PTPA: variants seen among roughly 807,000 people sequenced by gnomAD.
PTPA encodes the protein protein phosphatase 2 phosphatase activator.
PTPA carries 13 observed loss-of-function variants against 43.6 expected under a neutral mutation model. The ratio of observed to expected loss-of-function variants is 0.30; its 90% CI spans 0.19 to 0.47. PTPA has a LOEUF of 0.47. Among genes scored for constraint, PTPA ranks in the 20% least tolerant of loss-of-function variants. PTPA has a pLI of 0.99. For missense variants in PTPA, 329 were observed against 411.9 expected, an observed-to-expected ratio of 0.80 and a Z score of 1.74; for synonymous variants, 172 against 158.2, an observed-to-expected ratio of 1.09 and a Z score of -0.66.
In PTPA at chr9:129,147,602, T is replaced by TGGGCTTGAGGGGGCTCA. The variant is rs1851389259; in HGVS notation, c.*140_*156dup. The stretch of plus-strand genomic sequence containing the variant: ...TGTTTACTGGGGTGGGGTGGCGAGA[T>TGGGCTTGAGGGGGCTCA]GGGCTTGAGGGGGCTCAGAGCATAA... On this transcript the variant is annotated 3_prime_UTR_variant, in exon 10 of 10. Coordinates refer to ENST00000393370, the MANE Select transcript of PTPA (RefSeq NM_178000.3). The TGGGCTTGAGGGGGCTCA allele has an allele frequency of 1.0e-6, 1 of 953,502 alleles. No homozygotes were observed. Among genetic ancestry groups the TGGGCTTGAGGGGGCTCA allele is most frequent in the South Asian group, 1.5e-5 (1 of 65,054 alleles). The allele number at this position is 953,502 out of a possible 1,614,324, so 59.1% of individuals were successfully genotyped here. A position where few individuals can be genotyped will look rare whatever the true frequency, so the allele number is the denominator to read the frequency against.
At chr9:129,127,738 C>G (rs189745869) in intron 3 of PTPA, among the ~76,000 whole-genome samples, 6 of 152,286 alleles carry the variant, frequency 3.9e-5, no homozygotes, top group Middle Eastern at 3.4e-3. Flanking sequence ...GGGATGGGCT[C>G]TCAAACTCTG....
intron 9 of PTPA, among the ~76,000 whole-genome samples, chr9:129,144,539 C>G (rs1036172092): frequency 1.3e-5 from 2 of 150,404 alleles, no homozygotes; most frequent in Non-Finnish European, 3.0e-5. Flanking sequence ...GAGATCGAGA[C>G]CATCCTGGCT....
chr9:129,130,152 A>G (rs1286860105), intron 4 of PTPA, among the ~76,000 whole-genome samples: 1 of 152,226 alleles, frequency 6.6e-6, no homozygotes, highest in African/African-American at 2.4e-5. Context: ...AAACAAAAAT[A>G]AAAATGCAGG....
At chr9:129,145,829 C>T (rs1314288123) in intron 9 of PTPA, among the ~76,000 whole-genome samples, 6 of 152,170 alleles carry the variant, frequency 3.9e-5, no homozygotes, top group Non-Finnish European at 7.4e-5. Context: ...GCTTGAATCA[C>T]CTCTGGCTGG....
At chr9:129,143,251 T>C (rs1851029523) in intron 9 of PTPA, 1 of 698,204 alleles carries the variant, frequency 1.4e-6, no homozygotes, top group East Asian at 2.7e-5. Context: ...TCCCTTCTGC[T>C]AGCTCCTCCC....
At chr9:129,139,435 C>T (rs1434200464) in intron 8 of PTPA, 1 of 152,234 alleles carries the variant, frequency 6.6e-6, no homozygotes, top group Admixed American at 6.5e-5. Flanking sequence ...TCCGCACCTT[C>T]TCCACAGGTC....
intron 5 of PTPA, among the ~76,000 whole-genome samples, chr9:129,132,224 G>A (rs1225490852): frequency 3.3e-5 from 5 of 152,170 alleles, no homozygotes; most frequent in African/African-American, 1.2e-4. Context: ...TAGCACTTTT[G>A]GAGGCTGAGG....
intron 1 of PTPA, among the ~76,000 whole-genome samples, chr9:129,117,848 C>T (rs184548960): frequency 4.6e-4 from 70 of 152,006 alleles, no homozygotes; most frequent in Admixed American, 9.2e-4. Flanking sequence ...AGGTGTGTGC[C>T]GTCATGTCAG....
chr9:129,146,356 C>G (rs1483713780), intron 9 of PTPA, among the ~76,000 whole-genome samples: 1 of 152,208 alleles, frequency 6.6e-6, no homozygotes, highest in Non-Finnish European at 1.5e-5. Context: ...CCACTCGTCA[C>G]CCTGGTGCTT....
rs561522088 is a variant in PTPA, at chr9:129,135,392, T to TA, written c.560+509dup. The stretch of plus-strand genomic sequence containing the variant: ...TGGGTGACAGAGTGAGACTCTGTCT[T>TA]AAAAAAAAAAAGAATTGTCACATAA... On this transcript the variant is annotated intron_variant, in intron 6 of 9. Coordinates refer to ENST00000393370, the MANE Select transcript of PTPA (RefSeq NM_178000.3). Among the ~76,000 whole-genome samples, 52 of 146,600 alleles carry TA rather than the reference T, an allele frequency of 3.5e-4. No homozygotes were observed. In the South Asian group the frequency reaches 4.1e-3, roughly 12 times the overall value.
chr9:129,128,934 A>G (rs765626961), intron 3 of PTPA, 51 bp from the exon 4 acceptor site: 9 of 1,605,112 alleles, frequency 5.6e-6, no homozygotes, highest in Non-Finnish European at 7.7e-6. Context: ...TCTGTGGCTA[A>G]GCGGGAGCCA....
At chr9:129,147,162 G>C (rs1851358140) in intron 9 of PTPA, among the ~76,000 whole-genome samples, 3 of 126,988 alleles carry the variant, frequency 2.4e-5, no homozygotes, top group Non-Finnish European at 5.0e-5. Flanking sequence ...CTACCTTGTA[G>C]GTTTGGGCTG....
rs1420511872 is a variant in PTPA at position 129,147,941 on chromosome 9, A to T, written c.*477A>T. ...TTTCCCAGGCCATGCCGGGGTGGCC[A>T]TCTATGGTAGGGCTGGAAGCTGAGG... On this transcript the variant is annotated 3_prime_UTR_variant, in exon 10 of 10. Coordinates refer to ENST00000393370, the MANE Select transcript of PTPA (RefSeq NM_178000.3). The T allele has an allele frequency of 1.7e-5, 2 of 118,158 alleles. No individual in the cohort carries two copies. The highest frequency in any genetic ancestry group is 3.2e-5 in the Non-Finnish European group (2 of 61,912). 7.3% of individuals were successfully genotyped at this position (118,158 alleles called of 1,614,324 possible).
chr9:129,140,436 C>T (rs939599739), intron 8 of PTPA, among the ~76,000 whole-genome samples: 13 of 152,232 alleles, frequency 8.5e-5, no homozygotes, highest in African/African-American at 2.4e-4. Flanking sequence ...AAAGAAACTA[C>T]CTCTCTGGCC....
At chr9:129,130,551 C>A (rs940025958) in intron 4 of PTPA, among the ~76,000 whole-genome samples, 1 of 151,962 alleles carries the variant, frequency 6.6e-6, no homozygotes, top group Admixed American at 6.6e-5. Flanking sequence ...CGCCACCATG[C>A]TTGGCTAATT....
chr9:129,141,607 T>C (rs1449696903), intron 8 of PTPA: 1 of 152,324 alleles, frequency 6.6e-6, no homozygotes, highest in Non-Finnish European at 1.5e-5. Context: ...TCTGACGTCA[T>C]GGGAACTTCA....
At position 129,146,170 on chromosome 9, in the gene PTPA, C is replaced by T. The variant is rs371664131; in HGVS notation, c.895-1217C>T. Among the ~76,000 whole-genome samples, 14 of 152,282 alleles carry T rather than the reference C, an allele frequency of 9.2e-5. No individual in the cohort carries two copies. In the East Asian group the frequency reaches 1.7e-3, roughly 19 times the overall value. ...TAAGCACCATGGCAGCTGCCTTGGCCTCTGGCCTGGATCTGCGGCTGCTCC... is the reference window on the plus strand; with the variant it reads ...TAAGCACCATGGCAGCTGCCTTGGCTTCTGGCCTGGATCTGCGGCTGCTCC... On this transcript the variant is annotated intron_variant, in intron 9 of 9. Transcript: ENST00000393370.
chr9:129,134,230 C>T (rs562874927), intron 5 of PTPA, among the ~76,000 whole-genome samples: 18 of 149,900 alleles, frequency 1.2e-4, no homozygotes, highest in African/African-American at 4.4e-4. Flanking sequence ...GTGAGTTAAA[C>T]CTACGTAATG....
chr9:129,132,655 G>A (rs2900271), intron 5 of PTPA, among the ~76,000 whole-genome samples: 36,839 of 152,034 alleles, frequency 0.24, 4,862 homozygotes, highest in Admixed American at 0.31. Flanking sequence ...GCTAATTTTA[G>A]TGTTTTTGGT....
Sources: gnomAD v4.1 joint callset for allele counts (sites outside exome capture counted in the v4.1 genomes callset) on GRCh38, gnomAD v4.1.1 for gene constraint, MANE v1.5 for transcripts, NCBI Gene and HGNC (gene_info 2026-07-23, HGNC 2026-07-21) for gene names.